Variants in ARK2C observed in about 807,000 individuals in gnomAD.
The protein encoded by ARK2C is E3 ubiquitin-protein ligase ARK2C.
the ARK2C span, among the ~76,000 whole-genome samples, chr18:46,427,466 C>T: frequency 5.3e-5 from 8 of 152,324 alleles, no homozygotes; most frequent in East Asian, 1.9e-4. Flanking sequence ...GGCAGCTGCA[C>T]GTTCATGGCA....
the ARK2C span, chr18:46,435,547 C>T: frequency 1.5e-6 from 1 of 650,200 alleles, no homozygotes; most frequent in East Asian, 2.7e-5. Context: ...TCCCAGCCAC[C>T]CTCTGGGCCA....
the ARK2C span, among the ~76,000 whole-genome samples, chr18:46,401,627 C>T: frequency 2.0e-5 from 3 of 152,198 alleles, no homozygotes; most frequent in Non-Finnish European, 2.9e-5. Context: ...CTCACTCCCT[C>T]CTGTGATCTT....
the ARK2C span, chr18:46,459,568 AG>A: frequency 6.6e-6 from 1 of 152,102 alleles, no homozygotes; most frequent in African/African-American, 2.4e-5. Context: ...CAGAGGGGAG[AG>A]GGAAGCTGCT....
chr18:46,407,371 C>T, the ARK2C span, among the ~76,000 whole-genome samples: 1 of 152,064 alleles, frequency 6.6e-6, no homozygotes, highest in Non-Finnish European at 1.5e-5. Context: ...GGGGATTGGC[C>T]CTTTCTTGCT....
chr18:46,349,604 G>C, the ARK2C span, among the ~76,000 whole-genome samples: 1 of 152,194 alleles, frequency 6.6e-6, no homozygotes, highest in African/African-American at 2.4e-5. Flanking sequence ...TGGCCAGCCA[G>C]GGGAAGCTGC....
chr18:46,428,132 C>T, the ARK2C span, among the ~76,000 whole-genome samples: 60 of 151,560 alleles, frequency 4.0e-4, no homozygotes, highest in Admixed American at 1.0e-3. Context: ...AAGGGGAGGC[C>T]GGGCGCAGTG....
the ARK2C span, among the ~76,000 whole-genome samples, chr18:46,345,564 G>C: frequency 6.6e-6 from 1 of 152,220 alleles, no homozygotes; most frequent in Non-Finnish European, 1.5e-5. Flanking sequence ...TCTGGCTGGG[G>C]GGTGGACTAG....
At chr18:46,427,753 CAA>C in the ARK2C span, among the ~76,000 whole-genome samples, 12 of 152,214 alleles carry the variant, frequency 7.9e-5, no homozygotes, top group Non-Finnish European at 1.6e-4. Context: ...CCAGATACAG[CAA>C]AGACACGAAG....
At chr18:46,396,531 TA>T in the ARK2C span, among the ~76,000 whole-genome samples, 271 of 152,326 alleles carry the variant, frequency 1.8e-3, 1 homozygote, top group African/African-American at 6.3e-3. Context: ...TGGCACACAG[TA>T]GCTTTTCAGA....
the ARK2C span, among the ~76,000 whole-genome samples, chr18:46,354,613 C>T: frequency 2.6e-5 from 4 of 152,210 alleles, no homozygotes; most frequent in Non-Finnish European, 5.9e-5. Flanking sequence ...CTGTACCTTC[C>T]CTGCCAGCCA....
At chr18:46,421,402 T>C in the ARK2C span, among the ~76,000 whole-genome samples, 1 of 152,206 alleles carries the variant, frequency 6.6e-6, no homozygotes, top group Admixed American at 6.5e-5. Context: ...ATTCAGTGAG[T>C]TCTTACTGTG....
chr18:46,351,244 C>CT, the ARK2C span, among the ~76,000 whole-genome samples: 1 of 152,218 alleles, frequency 6.6e-6, no homozygotes, highest in African/African-American at 2.4e-5. Flanking sequence ...TGACCTAGCC[C>CT]TACAGAGTCA....
the ARK2C span, among the ~76,000 whole-genome samples, chr18:46,368,102 T>C: frequency 3.9e-5 from 6 of 152,180 alleles, no homozygotes; most frequent in Non-Finnish European, 8.8e-5. Context: ...TTGTGATGCA[T>C]ACAAATGGTG....
At chr18:46,420,758 T>C in the ARK2C span, among the ~76,000 whole-genome samples, 8 of 151,930 alleles carry the variant, frequency 5.3e-5, no homozygotes, top group Non-Finnish European at 7.4e-5. Flanking sequence ...GGCAGGAGAA[T>C]TGCTTGAACC....
the ARK2C span, among the ~76,000 whole-genome samples, chr18:46,361,843 C>T: frequency 6.6e-6 from 1 of 152,224 alleles, no homozygotes; most frequent in African/African-American, 2.4e-5. Context: ...GCTTCCTGCA[C>T]TAGCAAATGA....
At chr18:46,437,532 C>G in the ARK2C span, among the ~76,000 whole-genome samples, 2 of 151,702 alleles carry the variant, frequency 1.3e-5, 1 homozygote, top group South Asian at 4.2e-4. Context: ...AGAAACTGGG[C>G]TGCAAGCCCA....
the ARK2C span, among the ~76,000 whole-genome samples, chr18:46,450,011 T>A: frequency 2.0e-5 from 3 of 152,166 alleles, no homozygotes; most frequent in Admixed American, 1.3e-4. Context: ...AGCACCCACA[T>A]TATAGATCAG....
At chr18:46,358,924 C>G in the ARK2C span, among the ~76,000 whole-genome samples, 1 of 152,172 alleles carries the variant, frequency 6.6e-6, no homozygotes, top group Non-Finnish European at 1.5e-5. Context: ...AGTCACACCC[C>G]CGGACTCTTG....
At chr18:46,411,837 C>T in the ARK2C span, among the ~76,000 whole-genome samples, 42 of 152,300 alleles carry the variant, frequency 2.8e-4, no homozygotes, top group Admixed American at 4.6e-4. Flanking sequence ...GGGGCTGAGC[C>T]GTGTATGTGT....
Sources: allele counts gnomAD v4.1 joint callset (sites outside exome capture counted in the v4.1 genomes callset), GRCh38; gene constraint gnomAD v4.1.1; transcripts MANE v1.5; gene names NCBI Gene and HGNC (gene_info 2026-07-23, HGNC 2026-07-21).